CYB561: variants seen among roughly 807,000 people sequenced by gnomAD.
CYB561 encodes the protein cytochrome b561, also known as transmembrane ascorbate-dependent reductase CYB561.
Under a neutral mutation model 25.3 loss-of-function variants are expected in CYB561, and 11 were observed. The observed-to-expected ratio is 0.44, with a 90% confidence interval of 0.27 to 0.72. The LOEUF (loss-of-function observed/expected upper bound fraction) is 0.72. CYB561 is among the 30% of genes least tolerant of loss of function. The pLI, the probability that CYB561 is intolerant of heterozygous loss-of-function variation, is 0.18. For synonymous variants in CYB561, 165 were observed against 158.8 expected, an observed-to-expected ratio of 1.04 and a Z score of -0.29; for missense variants, 295 against 334.9, an observed-to-expected ratio of 0.88 and a Z score of 0.93.
chr17:63,434,700 C>A lies in CYB561; in HGVS notation c.564-106G>T. ...ATGCCATGGGGATTCCAGCACCAGC[C>A]CCTGCCTCCCTGCCCTGCCTGAAGA... On this transcript the variant is annotated intron_variant, in intron 5 of 5. Coordinates refer to ENST00000360793, the MANE Select transcript of CYB561 (RefSeq NM_001915.4). The A allele has an allele frequency of 3.2e-6, 3 of 942,106 alleles. No homozygotes were observed. In the South Asian group the frequency reaches 4.9e-5, roughly 15 times the overall value. 58.4% of individuals were successfully genotyped at this position (942,106 alleles called of 1,614,324 possible).
intron 1 of CYB561, among the ~76,000 whole-genome samples, chr17:63,442,436 A>G (rs1264213089): frequency 1.3e-5 from 2 of 152,160 alleles, no homozygotes; most frequent in Non-Finnish European, 1.5e-5. Flanking sequence ...AAGGCTTTGA[A>G]TCGTGGCCCT....
chr17:63,437,987 C>A, intron 1 of CYB561: 1 of 986,152 alleles, frequency 1.0e-6, no homozygotes. Flanking sequence ...CACCCTCCCC[C>A]GAGGCTCCCG....
chr17:63,438,365 T>TC (rs975530772), intron 1 of CYB561: 2 of 650,010 alleles, frequency 3.1e-6, no homozygotes, highest in Non-Finnish European at 5.2e-6. Context: ...ATGGGAAGTC[T>TC]CCCTCCCCCA....
Position 63,437,518 on chromosome 17 carries a change from G to A in CYB561, c.30C>T (p.Pro10=). The A allele has an allele frequency of 6.2e-6, 10 of 1,612,538 alleles. No individual in the cohort carries two copies. The highest frequency in any genetic ancestry group is 8.5e-6 in the Non-Finnish European group (10 of 1,179,894). Residue 10 remains proline, a synonymous_variant, in exon 2 of 6, where the codon CCC becomes CCT. Coordinates refer to ENST00000360793, the MANE Select transcript of CYB561 (RefSeq NM_001915.4). ...AGGCCACGTAGTAAGGCAGTGCTGT[G>A]GGGGTGGCTGCCGCGGCCCCGCCCT... MEGGAAAAT[P]TALPYYVAFS...
In CYB561 at chr17:63,439,603, G is replaced by C. The variant is rs2049354845; in HGVS notation, c.-13-2043C>G. Among the ~76,000 whole-genome samples, 9 of 152,056 alleles carry C rather than the reference G, an allele frequency of 5.9e-5. No individual in the cohort carries two copies. The South Asian group carries it at 1.9e-3, about 32-fold the overall frequency. ...CTAATAATCCACACGCACTGCAGTA[G>C]AATATGGATCAGCAAAAAAGGTAAA... On this transcript the variant is annotated intron_variant, in intron 1 of 5. Transcript: ENST00000360793.
intron 1 of CYB561, chr17:63,438,246 T>C (rs1489057423): frequency 6.5e-7 from 1 of 1,534,670 alleles, no homozygotes; most frequent in East Asian, 2.4e-5. Context: ...TGGCCTTCCC[T>C]GGGTGGGCTT....
Position 63,435,097 on chromosome 17 carries a change from C to G in CYB561, c.552G>C (p.Leu184=), listed in dbSNP as rs774329908. 6.2e-7 allele frequency: 1 copy of G among 1,613,436 alleles called. No individual in the cohort carries two copies. The change falls in exon 5 of 6, where the codon CTG becomes CTC. Residue 184 remains leucine, a synonymous_variant. Coordinates refer to ENST00000360793, the MANE Select transcript of CYB561 (RefSeq NM_001915.4). ...CCCAGGACACTCACCCGAGGTTGAA[C>G]AGCAGTGCCTCCTTCAGGCCCAGCA... ...TALLGLKEAL[L]FNLGGKYSAF...
chr17:63,441,960 C>G (rs1040769888), intron 1 of CYB561, among the ~76,000 whole-genome samples: 6 of 152,216 alleles, frequency 3.9e-5, no homozygotes, highest in Non-Finnish European at 8.8e-5. Flanking sequence ...GCAAACAAGC[C>G]GAGGAAGATG....
In CYB561 at chr17:63,432,894, A is replaced by G. The variant is rs1341716313; in HGVS notation, c.*1508T>C. 1.3e-5 allele frequency: 2 copies of G among 152,510 alleles called. No homozygotes were observed. The highest frequency in any genetic ancestry group is 4.1e-4 in the South Asian group (2 of 4,822). The allele number at this position is 152,510 out of a possible 1,614,324, so 9.4% of individuals were successfully genotyped here. ...TAGGAAAAGGGCAGCCATTACAAGA[A>G]GAAGAGTCGTCAGGTTTGGAAACTG... is the stretch of plus-strand genomic sequence containing the variant. On this transcript the variant is annotated 3_prime_UTR_variant, in exon 6 of 6. Transcript: ENST00000360793.
intron 4 of CYB561, 165 bp downstream of exon 4, chr17:63,435,523 C>T (rs866849019): frequency 1.2e-5 from 9 of 728,382 alleles, no homozygotes; most frequent in African/African-American, 7.0e-5. Context: ...CACCCTTGGC[C>T]GCCAATCCTA....
intron 5 of CYB561, 50 bp from the exon 6 acceptor site, chr17:63,434,644 C>A: frequency 6.6e-7 from 1 of 1,515,142 alleles, no homozygotes; most frequent in Non-Finnish European, 9.0e-7. Flanking sequence ...CACAATTAGG[C>A]CAAATGCCCT....
intron 1 of CYB561, chr17:63,438,055 C>T (rs559836342): frequency 2.4e-4 from 323 of 1,364,290 alleles, no homozygotes; most frequent in Non-Finnish European, 2.9e-4. Context: ...CGTCCTGAGG[C>T]AGAGGTCTCA....
At chr17:63,437,742 C>G (rs1254383824) in intron 1 of CYB561, 182 bp from the exon 2 acceptor site, 1 of 453,002 alleles carries the variant, frequency 2.2e-6, no homozygotes, top group Non-Finnish European at 3.9e-6. Flanking sequence ...CAGCCCCCCC[C>G]GAAATGCGCA....
chr17:63,444,443 C>T (rs991932233), intron 1 of CYB561, among the ~76,000 whole-genome samples: 1 of 152,210 alleles, frequency 6.6e-6, no homozygotes, highest in African/African-American at 2.4e-5. Context: ...TGTGCCAGCG[C>T]CCAGCACAGT....
At chr17:63,440,545 C>T (rs768077733) in intron 1 of CYB561, among the ~76,000 whole-genome samples, 1 of 152,206 alleles carries the variant, frequency 6.6e-6, no homozygotes, top group Non-Finnish European at 1.5e-5. Context: ...TGATCCTGCC[C>T]GTTTCCATCT....
At chr17:63,437,279 C>T in intron 2 of CYB561, 67 bp downstream of exon 2, 2 of 1,262,276 alleles carry the variant, frequency 1.6e-6, no homozygotes, top group Non-Finnish European at 2.3e-6. Flanking sequence ...GGTGACAAGA[C>T]CCCTGCAAAC....
At chr17:63,437,195 C>T in intron 2 of CYB561, 151 bp downstream of exon 2, 1 of 662,152 alleles carries the variant, frequency 1.5e-6, no homozygotes, top group Non-Finnish European at 2.6e-6. Flanking sequence ...ATTCCATCTC[C>T]CCAGGCTCTG....
Position 63,436,584 on chromosome 17 carries a change from G to A in CYB561, c.203-432C>T. On this transcript the variant is annotated intron_variant, in intron 2 of 5. Coordinates refer to ENST00000360793, the MANE Select transcript of CYB561 (RefSeq NM_001915.4). The surrounding 1 kb of genome is among the most constrained non-coding windows in gnomAD (Gnocchi z 4.8). The stretch of plus-strand genomic sequence containing the variant: ...CAGGCTGTGTTTGAGGTCCACTGTT[G>A]GTCACACTGAGGCAACAAGCAGCCT... 5.7e-6 allele frequency: 1 copy of A among 176,298 alleles called. No homozygotes were observed. Among genetic ancestry groups the A allele is most frequent in the South Asian group, 1.3e-4 (1 of 7,982 alleles). The allele number at this position is 176,298 out of a possible 1,614,324, so 10.9% of individuals were successfully genotyped here. A position where few individuals can be genotyped will look rare whatever the true frequency, so the allele number is the denominator to read the frequency against.
At chr17:63,437,737 C>T in intron 1 of CYB561, 177 bp from the exon 2 acceptor site, 1 of 439,034 alleles carries the variant, frequency 2.3e-6, no homozygotes, top group East Asian at 4.2e-5. Flanking sequence ...ATGCACAGCC[C>T]CCCCCGAAAT....
Sources: allele counts gnomAD v4.1 joint callset (sites outside exome capture counted in the v4.1 genomes callset), GRCh38; gene constraint gnomAD v4.1.1; non-coding constraint Gnocchi (gnomAD v3.1); transcripts MANE v1.5; gene names NCBI Gene and HGNC (gene_info 2026-07-23, HGNC 2026-07-21).